Variants in AKAP6 observed in about 807,000 individuals in gnomAD.
AKAP6 encodes A-kinase anchor protein 6.
Under a neutral mutation model 188.5 loss-of-function variants are expected in AKAP6, and 58 were observed. The observed-to-expected ratio is 0.31, with a 90% CI of 0.25 to 0.38. AKAP6 has a LOEUF of 0.38. Among genes scored for constraint, AKAP6 ranks in the 10% least tolerant of loss-of-function variants. AKAP6 has a pLI of 1.00. For missense variants in AKAP6, 2,710 were observed against 2,740.0 expected (o/e 0.99, Z 0.24); for synonymous variants, 989 against 998.6 (o/e 0.99, Z 0.18).
intron 1 of AKAP6, among the ~76,000 whole-genome samples, chr14:32,419,049 G>A (rs192538738): frequency 2.3e-4 from 35 of 152,208 alleles, no homozygotes; most frequent in African/African-American, 8.2e-4. Flanking sequence ...TTCAATTTAG[G>A]TGGCTAATTA....
intron 12 of AKAP6, among the ~76,000 whole-genome samples, chr14:32,789,510 T>C (rs1291247495): frequency 2.0e-5 from 3 of 152,106 alleles, no homozygotes; most frequent in Non-Finnish European, 4.4e-5. Context: ...GAACGGAGCT[T>C]CCAGAGGAAG....
At chr14:32,813,103 C>T (rs1295399446) in intron 12 of AKAP6, among the ~76,000 whole-genome samples, 1 of 152,124 alleles carries the variant, frequency 6.6e-6, no homozygotes, top group Middle Eastern at 3.2e-3. Context: ...TTCTGACCCA[C>T]GGGCTGTAAA....
intron 1 of AKAP6, among the ~76,000 whole-genome samples, chr14:32,407,857 TAGG>T (rs1889347922): frequency 6.6e-6 from 1 of 152,088 alleles, no homozygotes; most frequent in African/African-American, 2.4e-5. Flanking sequence ...TCTACACTGG[TAGG>T]AGGAATGAAT....
Position 32,660,997 on chromosome 14 carries a change from A to G in AKAP6, c.2731-17314A>G, listed in dbSNP as rs564250197. 5.5e-5 allele frequency among the ~76,000 whole-genome samples: 7 copies of G among 127,850 alleles called. No homozygotes were observed. The South Asian group carries it at 1.8e-3, about 32-fold the overall frequency. 83.9% of individuals were successfully genotyped at this position (127,850 alleles called of 152,430 possible). ...TCATTGCTCCCTCTCCTGCTTTCTC[A>G]CAAGGATCACCTAACTTTTCATGAC... On this transcript the variant is annotated intron_variant, in intron 7 of 13. Coordinates refer to ENST00000280979, the MANE Select transcript of AKAP6 (RefSeq NM_004274.5).
At chr14:32,573,863 A>G (rs1169112150) in intron 4 of AKAP6, among the ~76,000 whole-genome samples, 2 of 152,198 alleles carry the variant, frequency 1.3e-5, no homozygotes, top group East Asian at 1.9e-4. Context: ...GCACATCCAC[A>G]TGGTCTGTGT....
At chr14:32,700,896 A>G (rs1890593486) in intron 9 of AKAP6, among the ~76,000 whole-genome samples, 1 of 152,218 alleles carries the variant, frequency 6.6e-6, no homozygotes, top group Non-Finnish European at 1.5e-5. Flanking sequence ...GTTAAGCAAC[A>G]TGATTTGTAC....
At chr14:32,485,735 T>A (rs1477538134) in intron 2 of AKAP6, among the ~76,000 whole-genome samples, 1 of 152,206 alleles carries the variant, frequency 6.6e-6, no homozygotes, top group Non-Finnish European at 1.5e-5. Flanking sequence ...GATGGATAGA[T>A]TGCAAAATTT....
chr14:32,743,022 T>C (rs1050420764), intron 11 of AKAP6, among the ~76,000 whole-genome samples: 25 of 152,280 alleles, frequency 1.6e-4, no homozygotes, highest in African/African-American at 6.0e-4. Context: ...TTAGCTCTAA[T>C]AATATTTGCT....
At chr14:32,808,940 A>T (rs983331160) in intron 12 of AKAP6, among the ~76,000 whole-genome samples, 6 of 152,198 alleles carry the variant, frequency 3.9e-5, no homozygotes, top group Non-Finnish European at 8.8e-5. Flanking sequence ...AGGGAGCACT[A>T]ATGCTCTAGG....
intron 1 of AKAP6, among the ~76,000 whole-genome samples, chr14:32,405,949 T>C (rs1889277744): frequency 1.3e-5 from 2 of 152,334 alleles, no homozygotes; most frequent in Admixed American, 6.5e-5. Context: ...CAAGTGTCCA[T>C]GAAGAATGAC....
At chr14:32,565,092 C>T (rs542812468) in intron 4 of AKAP6, among the ~76,000 whole-genome samples, 32 of 152,230 alleles carry the variant, frequency 2.1e-4, no homozygotes, top group Middle Eastern at 3.4e-3. Context: ...TGGATCTTCC[C>T]TTTACGTACT....
intron 5 of AKAP6, among the ~76,000 whole-genome samples, chr14:32,594,089 C>T (rs1885592456): frequency 6.6e-6 from 1 of 152,064 alleles, no homozygotes; most frequent in African/African-American, 2.4e-5. Context: ...TGCTTTAACG[C>T]TTTATATTTA....
At chr14:32,361,230 A>G (rs942116720) in intron 1 of AKAP6, among the ~76,000 whole-genome samples, 2 of 151,906 alleles carry the variant, frequency 1.3e-5, no homozygotes, top group African/African-American at 2.4e-5. Flanking sequence ...GAAAAGCTTC[A>G]GAGAGAAGGC....
chr14:32,337,603 G>C (rs1265598637), intron 1 of AKAP6, among the ~76,000 whole-genome samples: 6 of 151,810 alleles, frequency 4.0e-5, no homozygotes, highest in African/African-American at 1.2e-4. Context: ...TTAAGTTTTA[G>C]GGTACATGTG....
chr14:32,781,360 A>AG (rs956769464), intron 12 of AKAP6, among the ~76,000 whole-genome samples: 4 of 151,908 alleles, frequency 2.6e-5, no homozygotes, highest in Non-Finnish European at 5.9e-5. Flanking sequence ...AAAAAAAAAA[A>AG]AAAGAGAATA....
intron 1 of AKAP6, among the ~76,000 whole-genome samples, chr14:32,336,383 T>C (rs1303225928): frequency 6.6e-6 from 1 of 152,140 alleles, no homozygotes; most frequent in Non-Finnish European, 1.5e-5. Flanking sequence ...TCCATCACTG[T>C]ACAAGCTGTA....
intron 1 of AKAP6, among the ~76,000 whole-genome samples, chr14:32,426,180 A>G (rs947887014): frequency 3.9e-5 from 6 of 152,130 alleles, no homozygotes; most frequent in African/African-American, 1.4e-4. Flanking sequence ...TCCTTTACTC[A>G]GGATTAATGA....
intron 1 of AKAP6, among the ~76,000 whole-genome samples, chr14:32,330,680 A>G (rs912655691): frequency 6.7e-6 from 1 of 149,100 alleles, no homozygotes; most frequent in Non-Finnish European, 1.5e-5. Context: ...CATGGAAAGC[A>G]GGAAAAGCAA....
In AKAP6 at chr14:32,797,789, A is replaced by G. The variant is rs963873374; in HGVS notation, c.3589-23613A>G. On this transcript the variant is annotated intron_variant, in intron 12 of 13. Coordinates refer to ENST00000280979, the MANE Select transcript of AKAP6 (RefSeq NM_004274.5). ...ACCCATAAACTTAAAAGTTGAAGAA[A>G]AAAAAAACAACCCTAGAAGAAAACA... Among the ~76,000 whole-genome samples, 12 of 152,228 alleles carry G rather than the reference A, an allele frequency of 7.9e-5. No individual in the cohort carries two copies. In the South Asian group the frequency reaches 1.9e-3, roughly 24 times the overall value.
Sources: gnomAD v4.1 joint callset for allele counts (sites outside exome capture counted in the v4.1 genomes callset) on GRCh38, gnomAD v4.1.1 for gene constraint, MANE v1.5 for transcripts, NCBI Gene and HGNC (gene_info 2026-07-23, HGNC 2026-07-21) for gene names.